SDHAF4: variants seen among roughly 807,000 people sequenced by gnomAD.
The protein encoded by SDHAF4 is succinate dehydrogenase assembly factor 4, mitochondrial.
SDHAF4 carries 14 observed loss-of-function variants against 14.3 expected under a neutral mutation model. The observed-to-expected ratio is 0.98, with a 90% confidence interval of 0.65 to 1.53. The LOEUF is 1.53. Among genes scored for constraint, SDHAF4 ranks in the 40% most tolerant of loss-of-function variants. The pLI is 0.00. For missense variants in SDHAF4, 141 were observed against 129.3 expected (o/e 1.09, Z -0.44); for synonymous variants, 63 against 47.3 (o/e 1.33, Z -1.36).
chr6:70,577,959 T>A (rs544084300), intron 1 of SDHAF4, among the ~76,000 whole-genome samples: 3 of 152,348 alleles, frequency 2.0e-5, no homozygotes. Context: ...ATTTTCTTTA[T>A]CCAGTCCACC....
chr6:70,592,574 C>A (rs928720455), downstream of SDHAF4, among the ~76,000 whole-genome samples: 1 of 152,178 alleles, frequency 6.6e-6, no homozygotes, highest in Non-Finnish European at 1.5e-5. Flanking sequence ...CAACACCCTA[C>A]TCCCAGCTAC....
At chr6:70,586,397 G>A (rs1765201803) in intron 2 of SDHAF4, among the ~76,000 whole-genome samples, 1 of 146,984 alleles carries the variant, frequency 6.8e-6, no homozygotes, top group Non-Finnish European at 1.5e-5. Flanking sequence ...AGCCTTGCCA[G>A]AGTTTGTTAT....
chr6:70,581,303 T>G (rs550120327), intron 2 of SDHAF4, among the ~76,000 whole-genome samples: 6 of 145,878 alleles, frequency 4.1e-5, no homozygotes, highest in African/African-American at 1.6e-4. Context: ...ATATATATTT[T>G]ACCACAGTAA....
chr6:70,572,720 TG>T (rs538463107), intron 1 of SDHAF4, among the ~76,000 whole-genome samples: 62 of 152,234 alleles, frequency 4.1e-4, no homozygotes, highest in African/African-American at 1.5e-3. Flanking sequence ...TTTGTTTGTA[TG>T]GGGGTTTTTG....
At chr6:70,568,978 T>TTTTTTA (rs2128533224) in intron 1 of SDHAF4, among the ~76,000 whole-genome samples, 1 of 144,848 alleles carries the variant, frequency 6.9e-6, no homozygotes, top group African/African-American at 2.6e-5. Context: ...TTTTTTTTTT[T>TTTTTTA]TTTTTGAGGC....
the SDHAF4 span, among the ~76,000 whole-genome samples, chr6:70,594,837 G>A: frequency 5.9e-5 from 9 of 152,002 alleles, no homozygotes; most frequent in East Asian, 1.9e-4. Context: ...ACTTGAACCC[G>A]GGAGGCGGAG....
chr6:70,583,213 A>G (rs1001823576), intron 2 of SDHAF4, among the ~76,000 whole-genome samples: 2 of 152,190 alleles, frequency 1.3e-5, no homozygotes, highest in African/African-American at 4.8e-5. Flanking sequence ...CCCGGGTTCA[A>G]GCGATTCTCC....
rs1393876062 is a variant in SDHAF4 at position 70,567,029 on chromosome 6, G to C, written c.64+25G>C. 7 of 1,563,234 alleles carry C rather than the reference G, an allele frequency of 4.5e-6. No homozygotes were observed. In the East Asian group the frequency reaches 1.7e-4, roughly 37 times the overall value. On this transcript the variant is annotated intron_variant, in intron 1 of 2. Transcript: ENST00000370474. The stretch of plus-strand genomic sequence containing the variant: ...AGTAAGCACCTGGCCTCGGGGCCAC[G>C]GTCGCGGGAGGGGTCGTGAAGGCCC...
At chr6:70,567,048 A>G in intron 1 of SDHAF4, 44 bp downstream of exon 1, 1 of 1,534,264 alleles carries the variant, frequency 6.5e-7, no homozygotes, top group Non-Finnish European at 8.8e-7. Flanking sequence ...AGGGGTCGTG[A>G]AGGCCCAGGC....
At chr6:70,590,556 A>G (rs1317398482), downstream of SDHAF4, among the ~76,000 whole-genome samples, 1 of 152,238 alleles carries the variant, frequency 6.6e-6, no homozygotes, top group East Asian at 1.9e-4. Context: ...TGCTGGGTCC[A>G]GTCAGTCTTA....
chr6:70,568,403 C>T (rs1413797208), intron 1 of SDHAF4, among the ~76,000 whole-genome samples: 3 of 152,134 alleles, frequency 2.0e-5, no homozygotes, highest in African/African-American at 7.2e-5. Flanking sequence ...GTCTCTATTG[C>T]CAAGGAGGTC....
At chr6:70,575,333 G>A (rs377409170) in intron 1 of SDHAF4, among the ~76,000 whole-genome samples, 2 of 151,842 alleles carry the variant, frequency 1.3e-5, no homozygotes, top group Non-Finnish European at 2.9e-5. Context: ...AGCTGAGATC[G>A]TGCCACTGCA....
chr6:70,585,414 T>C (rs1765184876), intron 2 of SDHAF4, among the ~76,000 whole-genome samples: 1 of 152,248 alleles, frequency 6.6e-6, no homozygotes, highest in Non-Finnish European at 1.5e-5. Flanking sequence ...GCTGTCTCTC[T>C]TTCTCTGCCA....
chr6:70,596,149 C>A, the SDHAF4 span, among the ~76,000 whole-genome samples: 1 of 152,136 alleles, frequency 6.6e-6, no homozygotes, highest in Non-Finnish European at 1.5e-5. Flanking sequence ...TTGGTACCTA[C>A]AAAAGATGAT....
At position 70,588,711 on chromosome 6, in the gene SDHAF4, G is replaced by T; in HGVS notation, c.314G>T (p.Cys105Phe). 3.8e-6 allele frequency: 6 copies of T among 1,599,098 alleles called. No individual in the cohort carries two copies. Among genetic ancestry groups the T allele is most frequent in the Non-Finnish European group, 5.1e-6 (6 of 1,170,098 alleles). The change falls in exon 3 of 3, where the codon TGT becomes TTT. Residue 105 changes from cysteine (C) to phenylalanine (F), a missense_variant. Transcript: ENST00000370474. Reference protein sequence around the residue: ...RYGDWERKGRCIDF With the variant: ...RYGDWERKGRFIDF The stretch of plus-strand genomic sequence containing the variant: ...GGAGATTGGGAACGAAAAGGACGCT[G>T]TATTGATTTTTAAGTCGCATATTCT...
At chr6:70,573,787 G>A (rs1317397405) in intron 1 of SDHAF4, among the ~76,000 whole-genome samples, 3 of 150,834 alleles carry the variant, frequency 2.0e-5, no homozygotes, top group African/African-American at 7.3e-5. Context: ...CGATTGTCTT[G>A]CCTCAGCCTC....
chr6:70,581,999 G>A (rs1765137384), intron 2 of SDHAF4, among the ~76,000 whole-genome samples: 1 of 152,268 alleles, frequency 6.6e-6, no homozygotes, highest in South Asian at 2.1e-4. Context: ...ACCTAAATGT[G>A]GGTATTTGCC....
chr6:70,585,858 T>C (rs576123877), intron 2 of SDHAF4, among the ~76,000 whole-genome samples: 72 of 152,300 alleles, frequency 4.7e-4, no homozygotes, highest in African/African-American at 1.6e-3. Flanking sequence ...TTGGTGAAGA[T>C]CATTTAGTTT....
At chr6:70,593,448 T>C (rs773518328), downstream of SDHAF4, among the ~76,000 whole-genome samples, 3 of 152,232 alleles carry the variant, frequency 2.0e-5, no homozygotes, top group Non-Finnish European at 4.4e-5. Context: ...CAGTGCACTC[T>C]GGAGCCGCAG....
Sources: gnomAD v4.1 joint callset for allele counts (sites outside exome capture counted in the v4.1 genomes callset) on GRCh38, gnomAD v4.1.1 for gene constraint, MANE v1.5 for transcripts, NCBI Gene and HGNC (gene_info 2026-07-23, HGNC 2026-07-21) for gene names.